Variants in MS4A1 observed in about 807,000 individuals in gnomAD.
The protein encoded by MS4A1 is membrane spanning 4-domains A1.
MS4A1 carries 16 observed loss-of-function variants against 26.5 expected under a neutral mutation model. The observed-to-expected ratio is 0.60, with a 90% CI of 0.41 to 0.92. The LOEUF (loss-of-function observed/expected upper bound fraction) is 0.92, where lower values mean the gene tolerates loss of function less well. Among genes scored for constraint, MS4A1 ranks in the 40% least tolerant of loss-of-function variants. MS4A1 has a pLI of 0.00. For synonymous variants in MS4A1, 128 were observed against 117.6 expected, an observed-to-expected ratio of 1.09 and a Z score of -0.57; for missense variants, 350 against 353.0, an observed-to-expected ratio of 0.99 and a Z score of 0.07.
chr11:60,465,620 G>T (rs1363260906), intron 5 of MS4A1: 1 of 358,824 alleles, frequency 2.8e-6, no homozygotes, highest in Non-Finnish European at 5.1e-6. Flanking sequence ...TACTAGGATG[G>T]TGGCAGTGGC....
chr11:60,468,444 A>T lies in MS4A1; in HGVS notation c.870A>T (p.Pro290=). Residue 290 remains proline (P), a synonymous_variant, in exon 8 of 8, where the codon CCA becomes CCT. Transcript: ENST00000345732. The part of the protein sequence containing the change: ...PEPPQDQESS[P]IENDSSP ...CTCCCCAAGATCAGGAATCCTCACC[A>T]ATAGAAAATGACAGCTCTCCTTAAG... The T allele has an allele frequency of 6.2e-7, 1 of 1,614,144 alleles. No individual in the cohort carries two copies. Among genetic ancestry groups the T allele is most frequent in the East Asian group, 2.2e-5 (1 of 44,868 alleles).
intron 5 of MS4A1, among the ~76,000 whole-genome samples, chr11:60,464,860 A>G (rs1404024113): frequency 6.6e-6 from 1 of 152,178 alleles, no homozygotes; most frequent in Admixed American, 6.5e-5. Context: ...AAAGTACTAC[A>G]CTGTGGTCTT....
chr11:60,466,197 A>G, intron 6 of MS4A1, 40 bp downstream of exon 6: 1 of 1,461,694 alleles, frequency 6.8e-7, no homozygotes. Flanking sequence ...ATTTCTCTCC[A>G]GGGAGGAAGG....
intron 6 of MS4A1, chr11:60,466,492 T>C: frequency 2.8e-6 from 1 of 359,710 alleles, no homozygotes; most frequent in East Asian, 6.2e-5. Context: ...ATATTTACCA[T>C]TATATTAACT....
At position 60,470,725 on chromosome 11, in the gene MS4A1, G is replaced by T. The variant is rs1398915102; in HGVS notation, c.*2257G>T. 1 of 151,916 alleles carries T rather than the reference G, an allele frequency of 6.6e-6. No homozygotes were observed. The highest frequency in any genetic ancestry group is 6.6e-5 in the Admixed American group (1 of 15,256). 9.4% of individuals were successfully genotyped at this position (151,916 alleles called of 1,614,324 possible). A position where few individuals can be genotyped will look rare whatever the true frequency, so the allele number is the denominator to read the frequency against. ...GTAAAAATAATGTTGTATCCACAAAGGAAATAAACTTTAAAAACCCAAGTG... is the reference window on the plus strand; with the variant it reads ...GTAAAAATAATGTTGTATCCACAAATGAAATAAACTTTAAAAACCCAAGTG... On this transcript the variant is annotated 3_prime_UTR_variant, in exon 8 of 8. Transcript: ENST00000345732.
intron 4 of MS4A1, 176 bp from the exon 5 acceptor site, chr11:60,464,112 A>G: frequency 3.2e-6 from 2 of 619,996 alleles, no homozygotes; most frequent in East Asian, 5.5e-5. Context: ...AAGGAGGAAT[A>G]TGACAGCTGA....
intron 5 of MS4A1, among the ~76,000 whole-genome samples, chr11:60,465,078 C>G (rs73483121): frequency 5.2e-4 from 79 of 152,324 alleles, no homozygotes; most frequent in African/African-American, 1.9e-3. Context: ...CTGACACACT[C>G]AGTTTGGGGG....
intron 1 of MS4A1, among the ~76,000 whole-genome samples, chr11:60,460,087 A>T (rs576234518): frequency 6.6e-5 from 10 of 152,216 alleles, no homozygotes; most frequent in East Asian, 3.9e-4. Flanking sequence ...CTCTAAAAAA[A>T]ATATAAAAAT....
intron 4 of MS4A1, 67 bp downstream of exon 4, chr11:60,463,188 A>T (rs2086263300): frequency 1.3e-6 from 2 of 1,599,270 alleles, no homozygotes; most frequent in South Asian, 1.1e-5. Flanking sequence ...CTCCACAGGG[A>T]TATGCCAGAT....
At chr11:60,465,807 T>G (rs1028828478) in intron 5 of MS4A1, 114 bp from the exon 6 acceptor site, 13 of 781,368 alleles carry the variant, frequency 1.7e-5, no homozygotes, top group Non-Finnish European at 2.5e-5. Flanking sequence ...AACTTCAGTA[T>G]ATTTAGTTGT....
chr11:60,465,708 G>A (rs190021828), intron 5 of MS4A1: 6 of 561,006 alleles, frequency 1.1e-5, no homozygotes, highest in African/African-American at 9.4e-5. Flanking sequence ...ACAGATGGAT[G>A]GTGAATGAGA....
At chr11:60,458,824 G>C (rs1316693890) in intron 1 of MS4A1, among the ~76,000 whole-genome samples, 1 of 150,096 alleles carries the variant, frequency 6.7e-6, no homozygotes, top group Admixed American at 6.7e-5. Flanking sequence ...TATATAATCA[G>C]ATATATATAT....
intron 7 of MS4A1, among the ~76,000 whole-genome samples, chr11:60,467,275 G>A (rs1417624555): frequency 3.5e-5 from 5 of 144,230 alleles, no homozygotes; most frequent in Non-Finnish European, 7.6e-5. Context: ...TATTCTGTGC[G>A]TCTTTTTTTT....
intron 7 of MS4A1, among the ~76,000 whole-genome samples, chr11:60,467,984 CA>C (rs2135204737): frequency 6.6e-6 from 1 of 152,268 alleles, no homozygotes; most frequent in African/African-American, 2.4e-5. Context: ...TCTATTACTG[CA>C]ATGTTCTTTT....
chr11:60,460,423 G>C, intron 1 of MS4A1, among the ~76,000 whole-genome samples: 1 of 152,166 alleles, frequency 6.6e-6, no homozygotes, highest in Admixed American at 6.5e-5. Flanking sequence ...CCCTAAAGTA[G>C]GTATAAATGT....
Position 60,469,504 on chromosome 11 carries a change from G to C in MS4A1, c.*1036G>C, listed in dbSNP as rs186969494. The C allele has an allele frequency of 4.7e-4, 71 of 152,224 alleles. No homozygotes were observed. The highest frequency in any genetic ancestry group is 1.4e-3 in the African/African-American group (60 of 41,536). 9.4% of individuals were successfully genotyped at this position (152,224 alleles called of 1,614,324 possible). A position where few individuals can be genotyped will look rare whatever the true frequency, so the allele number is the denominator to read the frequency against. On this transcript the variant is annotated 3_prime_UTR_variant, in exon 8 of 8. Coordinates refer to ENST00000345732, the MANE Select transcript of MS4A1 (RefSeq NM_152866.3). ...TGTCTGCATAAACTGTGAGAGCCAAGTCAACAGCTTTTATCAAGAATTTAC... is the reference window on the plus strand; with the variant it reads ...TGTCTGCATAAACTGTGAGAGCCAACTCAACAGCTTTTATCAAGAATTTAC...
In MS4A1 at chr11:60,462,191, G is replaced by A; in HGVS notation, c.-184G>A. On this transcript the variant is annotated 5_prime_UTR_variant, in exon 3 of 8. Coordinates refer to ENST00000345732, the MANE Select transcript of MS4A1 (RefSeq NM_152866.3). ...CCTCCATCTCCTTTCTCAGAACTCAGCAGTAGGCCTTGCCTCAGATCCAAG... is the reference window on the plus strand; with the variant it reads ...CCTCCATCTCCTTTCTCAGAACTCAACAGTAGGCCTTGCCTCAGATCCAAG... 1.4e-6 allele frequency: 1 copy of A among 712,980 alleles called. No homozygotes were observed. Among genetic ancestry groups the A allele is most frequent in the South Asian group, 1.5e-5 (1 of 67,208 alleles). The allele number at this position is 712,980 out of a possible 1,614,324, so 44.2% of individuals were successfully genotyped here. A position where few individuals can be genotyped will look rare whatever the true frequency, so the allele number is the denominator to read the frequency against.
chr11:60,466,552 A>G (rs889782825), intron 6 of MS4A1: 7 of 321,590 alleles, frequency 2.2e-5, no homozygotes, highest in Non-Finnish European at 3.5e-5. Context: ...TCTTTTGCCC[A>G]AGGACTTTTA....
rs2086220934 is a variant in MS4A1 at position 60,458,365 on chromosome 11, A to G, written c.-280+2420A>G. On this transcript the variant is annotated intron_variant, in intron 1 of 7. Transcript: ENST00000345732. The stretch of plus-strand genomic sequence containing the variant: ...ATGGTACGAGTGGACTTAAAAGTCT[A>G]TTCAAACCAAAACCCATAAAGGCTG... Among the ~76,000 whole-genome samples, 6 of 152,228 alleles carry G rather than the reference A, an allele frequency of 3.9e-5. No homozygotes were observed. In the South Asian group the frequency reaches 1.2e-3, roughly 32 times the overall value.
Sources: allele counts gnomAD v4.1 joint callset (sites outside exome capture counted in the v4.1 genomes callset), GRCh38; gene constraint gnomAD v4.1.1; transcripts MANE v1.5; gene names NCBI Gene and HGNC (gene_info 2026-07-23, HGNC 2026-07-21).